ALDH1L1: variants seen among roughly 807,000 people sequenced by gnomAD.
ALDH1L1 encodes the protein cytosolic 10-formyltetrahydrofolate dehydrogenase.
ALDH1L1 carries 68 observed loss-of-function variants against 101.1 expected under a neutral mutation model. That is an observed-to-expected ratio of 0.67 (90% CI 0.55 to 0.82). ALDH1L1 has a LOEUF of 0.82. Ranked by LOEUF, ALDH1L1 falls within the 40% of genes least tolerant of loss-of-function variation. The pLI is 0.00. For synonymous variants in ALDH1L1, 486 were observed against 470.8 expected, an observed-to-expected ratio of 1.03 and a Z score of -0.42; for missense variants, 1,087 against 1,172.7, an observed-to-expected ratio of 0.93 and a Z score of 1.07.
At chr3:126,171,504 T>G (rs1455457868) in intron 1 of ALDH1L1, among the ~76,000 whole-genome samples, 1 of 152,224 alleles carries the variant, frequency 6.6e-6, no homozygotes, top group Non-Finnish European at 1.5e-5. Context: ...AGAAGGCTCC[T>G]TTCAGGTTGA....
chr3:126,107,071 G>T, intron 21 of ALDH1L1, 70 bp downstream of exon 21: 1 of 1,404,630 alleles, frequency 7.1e-7, no homozygotes, highest in Non-Finnish European at 1.0e-6. Context: ...ACCTCCCAAA[G>T]CCCACATGAA....
At chr3:126,106,058 C>A in intron 21 of ALDH1L1, 133 bp from the exon 22 acceptor site, 1 of 924,950 alleles carries the variant, frequency 1.1e-6, no homozygotes, top group Non-Finnish European at 1.6e-6. Flanking sequence ...GCTGCAGCGC[C>A]GGGGGCAAGA....
chr3:126,124,110 G>GACACACACACACAC (rs3841921), intron 16 of ALDH1L1, among the ~76,000 whole-genome samples: 30 of 148,898 alleles, frequency 2.0e-4, no homozygotes, highest in African/African-American at 7.3e-4. Flanking sequence ...AGGGCGCGCG[G>GACACACACACACAC]ACACACACAC....
In ALDH1L1 at chr3:126,158,777, G is replaced by A; in HGVS notation, c.128-138C>T. 4 of 765,840 alleles carry A rather than the reference G, an allele frequency of 5.2e-6. No individual in the cohort carries two copies. The South Asian group carries it at 7.0e-5, about 13-fold the overall frequency. The allele number at this position is 765,840 out of a possible 1,614,324, so 47.4% of individuals were successfully genotyped here. A position where few individuals can be genotyped will look rare whatever the true frequency, so the allele number is the denominator to read the frequency against. ...ACCCACACCCCAGCCAGGCTCCACT[G>A]GGCAACACAGACGGATGCACCAGCC... is the stretch of plus-strand genomic sequence containing the variant. On this transcript the variant is annotated intron_variant, in intron 2 of 22. Transcript: ENST00000393434.
chr3:126,188,499 C>T (rs2081534096), intron 1 of ALDH1L1, among the ~76,000 whole-genome samples: 1 of 152,126 alleles, frequency 6.6e-6, no homozygotes. Context: ...CTGTTGGGCC[C>T]AGTAAAGGAG....
chr3:126,132,504 C>T (rs898825271), intron 12 of ALDH1L1, among the ~76,000 whole-genome samples: 5 of 152,180 alleles, frequency 3.3e-5, no homozygotes, highest in African/African-American at 1.2e-4. Context: ...CCTCTGCCTC[C>T]CTCCTCCTCC....
chr3:126,130,301 A>G lies in ALDH1L1; in HGVS notation c.1624-8T>C, dbSNP rs764583471. ...GATGGGGATGGTGGAGCCCTGGAAG[A>G]GGAACAGGGGCAGTCACCCAGGGGC... On this transcript the variant is annotated splice_region_variant and splice_polypyrimidine_tract_variant and intron_variant, in intron 13 of 22. Coordinates refer to ENST00000393434, the MANE Select transcript of ALDH1L1 (RefSeq NM_012190.4). 1.0e-5 allele frequency: 16 copies of G among 1,605,816 alleles called. No individual in the cohort carries two copies. Among genetic ancestry groups the G allele is most frequent in the Admixed American group, 6.8e-5 (4 of 59,218 alleles).
rs2080927418 is a variant in ALDH1L1, at chr3:126,157,204, G to T, written c.528+139C>A. On this transcript the variant is annotated intron_variant, in intron 4 of 22. Transcript: ENST00000393434. ...GTCCTAATCCTGCCTCTGAAACCTT[G>T]AAGTGAGAGCTCCTCTCCCTCCAGA... The T allele has an allele frequency of 5.7e-6, 6 of 1,058,420 alleles. No individual in the cohort carries two copies. In the South Asian group the frequency reaches 8.6e-5, roughly 15 times the overall value. 65.6% of individuals were successfully genotyped at this position (1,058,420 alleles called of 1,614,324 possible).
intron 1 of ALDH1L1, among the ~76,000 whole-genome samples, chr3:126,196,879 A>G (rs2081584461): frequency 6.6e-6 from 1 of 152,230 alleles, no homozygotes; most frequent in Non-Finnish European, 1.5e-5. Context: ...CTACTGAGCT[A>G]CAATACTGGG....
At chr3:126,197,780 T>G (rs901225820) in exon 1 of ALDH1L1, 1 of 152,176 alleles carries the variant, frequency 6.6e-6, no homozygotes, top group Non-Finnish European at 1.5e-5. Flanking sequence ...GAAGCTGTAC[T>G]TTGGATCCCG....
In ALDH1L1 at chr3:126,157,394, G is replaced by A. The variant is rs1576470546; in HGVS notation, c.477C>T (p.Thr159=). The A allele has an allele frequency of 2.5e-6, 4 of 1,614,056 alleles. No homozygotes were observed. Among genetic ancestry groups the A allele is most frequent in the Non-Finnish European group, 3.4e-6 (4 of 1,180,000 alleles). ...GGAAGCGGTTGTACAGCGTGCTCAC[G>A]GTGTCGTCCGGGAGCACCTCACACT... The part of the protein sequence containing the change: ...QKECEVLPDD[T]VSTLYNRFLF... The change falls in exon 4 of 23, where the codon ACC becomes ACT. Residue 159 remains threonine, a synonymous_variant. Coordinates refer to ENST00000393434, the MANE Select transcript of ALDH1L1 (RefSeq NM_012190.4).
chr3:126,141,643 A>G (rs1239982866), intron 9 of ALDH1L1, among the ~76,000 whole-genome samples: 1 of 152,164 alleles, frequency 6.6e-6, no homozygotes, highest in Admixed American at 6.5e-5. Context: ...ACTAGAAAAT[A>G]CCTTTAGTCA....
chr3:126,106,820 G>T (rs1275069924), intron 21 of ALDH1L1, among the ~76,000 whole-genome samples: 8 of 152,218 alleles, frequency 5.3e-5, no homozygotes, highest in African/African-American at 1.9e-4. Flanking sequence ...CTCAGTGTGG[G>T]GGGTGGTTTA....
rs748067052 is a variant in ALDH1L1, at chr3:126,103,751, G to C, written c.*40C>G. On this transcript the variant is annotated 3_prime_UTR_variant, in exon 23 of 23. Coordinates refer to ENST00000393434, the MANE Select transcript of ALDH1L1 (RefSeq NM_012190.4). ...TCAAGAGGGAGGGGGCCCCAGCCAC[G>C]AGGGAGGGGCAGGGACTTTCTTCTC... The C allele has an allele frequency of 3.1e-6, 5 of 1,606,672 alleles. No individual in the cohort carries two copies. The East Asian group carries it at 6.7e-5, about 22-fold the overall frequency.
At chr3:126,180,977 G>C, upstream of ALDH1L1, 2 of 1,610,488 alleles carry the variant, frequency 1.2e-6, no homozygotes, top group African/African-American at 1.3e-5. Context: ...ATGTGCTACG[G>C]ACACAGCAGA....
chr3:126,190,764 T>C (rs762894574), intron 1 of ALDH1L1, among the ~76,000 whole-genome samples: 16 of 152,218 alleles, frequency 1.1e-4, no homozygotes, highest in Non-Finnish European at 1.9e-4. Context: ...GTTCATTTAT[T>C]TGGAGTTCAT....
chr3:126,193,999 T>C (rs1021717945), intron 1 of ALDH1L1, among the ~76,000 whole-genome samples: 1 of 152,206 alleles, frequency 6.6e-6, no homozygotes, highest in African/African-American at 2.4e-5. Flanking sequence ...CATCCTTTCA[T>C]GAGTCTCCTA....
At chr3:126,117,749 G>A (rs1007298984) in intron 17 of ALDH1L1, among the ~76,000 whole-genome samples, 5 of 152,126 alleles carry the variant, frequency 3.3e-5, no homozygotes, top group Non-Finnish European at 5.9e-5. Context: ...AAATCCATGC[G>A]TGTTTTATAC....
At chr3:126,197,816 A>T (rs1005839479) in exon 1 of ALDH1L1, 2 of 152,130 alleles carry the variant, frequency 1.3e-5, no homozygotes, top group African/African-American at 4.8e-5. Context: ...TAAAAGAAAA[A>T]CTTCAGCCAA....
Sources: gnomAD v4.1 joint callset for allele counts (sites outside exome capture counted in the v4.1 genomes callset) on GRCh38, gnomAD v4.1.1 for gene constraint, MANE v1.5 for transcripts, NCBI Gene and HGNC (gene_info 2026-07-23, HGNC 2026-07-21) for gene names.